Variants in NDRG1 observed in about 807,000 individuals in gnomAD.
NDRG1 encodes protein NDRG1.
In NDRG1, 32 loss-of-function variants were observed where a neutral mutation model predicts 56.9. That is an observed-to-expected ratio of 0.56 (90% confidence interval 0.42 to 0.76). The LOEUF (loss-of-function observed/expected upper bound fraction) is 0.76, where lower values mean the gene tolerates loss of function less well. NDRG1 is among the 30% of genes least tolerant of loss of function. NDRG1 has a pLI of 0.00. For synonymous variants in NDRG1, 211 were observed against 204.1 expected (o/e 1.03, Z -0.29); for missense variants, 507 against 545.7 (o/e 0.93, Z 0.71).
intron 15 of NDRG1, chr8:133,240,295 CA>C (rs1564278151): frequency 6.6e-6 from 1 of 152,116 alleles, no homozygotes; most frequent in African/African-American, 2.4e-5. Flanking sequence ...ACATCAGAAA[CA>C]GGGGCAGTTG....
intron 1 of NDRG1, among the ~76,000 whole-genome samples, chr8:133,294,318 T>G (rs1316181293): frequency 6.6e-6 from 1 of 152,116 alleles, no homozygotes; most frequent in Non-Finnish European, 1.5e-5. Flanking sequence ...AGCAATACGA[T>G]CCAGGCAACG....
At chr8:133,295,238 C>T (rs1858679889) in intron 1 of NDRG1, among the ~76,000 whole-genome samples, 1 of 152,204 alleles carries the variant, frequency 6.6e-6, no homozygotes, top group Admixed American at 6.5e-5. Context: ...CAGAGCCATC[C>T]ACTTCATCCC....
At chr8:133,275,047 G>A (rs1857386251) in intron 3 of NDRG1, among the ~76,000 whole-genome samples, 1 of 152,134 alleles carries the variant, frequency 6.6e-6, no homozygotes, top group Non-Finnish European at 1.5e-5. Context: ...CCAGTCCCCG[G>A]GCTGATACGC....
intron 2 of NDRG1, among the ~76,000 whole-genome samples, chr8:133,283,391 A>C (rs1232954692): frequency 6.6e-6 from 1 of 152,228 alleles, no homozygotes; most frequent in South Asian, 2.1e-4. Flanking sequence ...TATGAGGCTA[A>C]GTGAGAATTG....
chr8:133,290,641 C>T (rs1460220864), intron 1 of NDRG1, among the ~76,000 whole-genome samples: 1 of 152,208 alleles, frequency 6.6e-6, no homozygotes, highest in Admixed American at 6.5e-5. Context: ...GACCATGAGG[C>T]TTTCAGCGTG....
intron 3 of NDRG1, among the ~76,000 whole-genome samples, chr8:133,278,986 G>A (rs1045927250): frequency 3.3e-4 from 50 of 151,520 alleles, no homozygotes; most frequent in African/African-American, 1.1e-3. Flanking sequence ...TGCCTCCCAG[G>A]TTCAAGCAAT....
At position 133,264,630 on chromosome 8, in the gene NDRG1, T is replaced by G. The variant is rs2233318; in HGVS notation, c.122A>C (p.His41Pro). The G allele has an allele frequency of 1.2e-6, 2 of 1,614,022 alleles. No individual in the cohort carries two copies. The highest frequency in any genetic ancestry group is 1.3e-5 in the African/African-American group (1 of 74,894). The change falls in exon 4 of 16, where the codon CAT becomes CCT. Residue 41 changes from histidine (H) to proline (P), a missense_variant. Transcript: ENST00000323851. The stretch of plus-strand genomic sequence containing the variant: ...ACACAGCGTGACGTGAACAGAGCCA[T>G]GTAAAGTCTCGATGTCCTGCTCCTG... The part of the protein sequence containing the change: ...DVQEQDIETL[H>P]GSVHVTLCGT...
At chr8:133,254,768 T>G in intron 8 of NDRG1, 173 bp from the exon 9 acceptor site, 2 of 680,962 alleles carry the variant, frequency 2.9e-6, no homozygotes, top group Middle Eastern at 7.2e-4. Flanking sequence ...AGTTCCCTCC[T>G]GGACCTGATC....
intron 3 of NDRG1, among the ~76,000 whole-genome samples, chr8:133,277,608 G>A (rs1049668401): frequency 2.0e-5 from 3 of 152,166 alleles, no homozygotes; most frequent in Non-Finnish European, 2.9e-5. Context: ...GAAAATGGAC[G>A]ATAGTGATGG....
At chr8:133,270,704 T>C (rs1181855914) in intron 3 of NDRG1, among the ~76,000 whole-genome samples, 3 of 152,232 alleles carry the variant, frequency 2.0e-5, no homozygotes, top group African/African-American at 7.2e-5. Context: ...AAGGACTAAC[T>C]CCAGCTGGGC....
chr8:133,265,010 GC>G, intron 3 of NDRG1: 1 of 354,966 alleles, frequency 2.8e-6, no homozygotes, highest in Non-Finnish European at 5.5e-6. Flanking sequence ...GGCCCCACTG[GC>G]CCCACAGGTT....
intron 8 of NDRG1, 192 bp from the exon 9 acceptor site, chr8:133,254,787 G>T: frequency 1.6e-6 from 1 of 643,400 alleles, no homozygotes; most frequent in Non-Finnish European, 2.8e-6. Context: ...TCCCCCAAAT[G>T]CAGGGCCTGG....
intron 3 of NDRG1, among the ~76,000 whole-genome samples, chr8:133,274,778 C>A (rs951068401): frequency 7.2e-5 from 11 of 152,198 alleles, no homozygotes; most frequent in African/African-American, 2.7e-4. Context: ...TCAAGCATCA[C>A]GGTTGAGAGA....
In NDRG1 at chr8:133,246,754, G is replaced by C. The variant is rs562972277; in HGVS notation, c.808-91C>G. On this transcript the variant is annotated intron_variant, in intron 12 of 15. Transcript: ENST00000323851. ...CTCCGCCACTCTGCCACCGTCACCA[G>C]AAACTCCAGTATTTCTGCTGGCAAA... 76 of 1,160,486 alleles carry C rather than the reference G, an allele frequency of 6.5e-5. No individual in the cohort carries two copies. In the African/African-American group the frequency reaches 1.0e-3, roughly 16 times the overall value. The allele number at this position is 1,160,486 out of a possible 1,614,324, so 71.9% of individuals were successfully genotyped here.
chr8:133,245,995 G>A (rs1855654697), intron 13 of NDRG1, among the ~76,000 whole-genome samples: 1 of 152,178 alleles, frequency 6.6e-6, no homozygotes, highest in Admixed American at 6.5e-5. Flanking sequence ...CAGTGCGAGG[G>A]AGCCGCCTCA....
At chr8:133,264,497 C>T (rs893197959) in intron 4 of NDRG1, 50 bp downstream of exon 4, 21 of 1,570,322 alleles carry the variant, frequency 1.3e-5, no homozygotes, top group Non-Finnish European at 1.8e-5. Flanking sequence ...CTTTTTCCGC[C>T]ACTCTCTTGG....
intron 3 of NDRG1, among the ~76,000 whole-genome samples, chr8:133,272,084 T>C (rs1176406883): frequency 6.6e-6 from 1 of 152,104 alleles, no homozygotes; most frequent in Admixed American, 6.6e-5. Flanking sequence ...CTTCAAGAGG[T>C]CAAGCTGGGC....
chr8:133,242,093 G>A lies in NDRG1; in HGVS notation c.892-19C>T. 1.2e-6 allele frequency: 2 copies of A among 1,614,192 alleles called. No homozygotes were observed. The highest frequency in any genetic ancestry group is 1.7e-6 in the Non-Finnish European group (2 of 1,180,002). ...TGGCCGGCTGCGAGAGACAAGGAGA[G>A]AAAATGCAGTCAGTTGCTGGGGAGC... On this transcript the variant is annotated intron_variant, in intron 14 of 15. Coordinates refer to ENST00000323851, the MANE Select transcript of NDRG1 (RefSeq NM_006096.4).
rs2130655766 is a variant in NDRG1, at chr8:133,238,991, C to T, written c.1072G>A (p.Glu358Lys). The T allele has an allele frequency of 6.3e-6, 10 of 1,594,524 alleles. No homozygotes were observed. The highest frequency in any genetic ancestry group is 1.7e-4 in the Middle Eastern group (1 of 5,952). Residue 358 changes from glutamate to lysine, a missense_variant, in exon 16 of 16, where the codon GAG (glutamate) becomes AAG (lysine). Transcript: ENST00000323851. ...EGTRSRSHTSEGTRSRSHTSE... is the reference protein window; with the variant it reads ...EGTRSRSHTSKGTRSRSHTSE... ...GTGTGCGAGCGGCTGCGGGTGCCCT[C>T]GCTGGTGTGGGAGCGGCTTCGGGTG... is the stretch of plus-strand genomic sequence containing the variant.
Sources: allele counts gnomAD v4.1 joint callset (sites outside exome capture counted in the v4.1 genomes callset), GRCh38; gene constraint gnomAD v4.1.1; transcripts MANE v1.5; gene names NCBI Gene and HGNC (gene_info 2026-07-23, HGNC 2026-07-21).